The following ZSCAN25 variants were observed in gnomAD, a reference collection of about 807,000 sequenced individuals.
ZSCAN25 encodes zinc finger and SCAN domain-containing protein 25.
Under a neutral mutation model 38.7 loss-of-function variants are expected in ZSCAN25, and 27 were observed. The observed-to-expected ratio is 0.70, with a 90% confidence interval of 0.51 to 0.96. ZSCAN25 has a LOEUF of 0.96. Among genes scored for constraint, ZSCAN25 ranks in the 40% least tolerant of loss-of-function variants. The probability of loss-of-function intolerance (pLI) is 0.00; values close to 1 mark genes in which losing one functional copy is unlikely to be tolerated. For synonymous variants in ZSCAN25, 273 were observed against 277.7 expected (o/e 0.98, Z 0.17); for missense variants, 637 against 705.9 (o/e 0.90, Z 1.11).
chr7:99,649,109 G>A, the ZSCAN25 span, among the ~76,000 whole-genome samples: 1 of 152,220 alleles, frequency 6.6e-6, no homozygotes, highest in East Asian at 1.9e-4. Flanking sequence ...AATTGCCATG[G>A]ATACAAAGAA....
chr7:99,720,317 C>A, the ZSCAN25 span: 1 of 1,612,544 alleles, frequency 6.2e-7, no homozygotes, highest in Admixed American at 1.7e-5. Flanking sequence ...GCTTACCCTC[C>A]GGTTTGTGAA....
chr7:99,655,196 G>A, the ZSCAN25 span, among the ~76,000 whole-genome samples: 3 of 152,150 alleles, frequency 2.0e-5, no homozygotes, highest in Non-Finnish European at 4.4e-5. Context: ...TTCTTCTAGG[G>A]TTTTTATGGT....
At chr7:99,626,290 G>A (rs1807464628) in intron 7 of ZSCAN25, among the ~76,000 whole-genome samples, 1 of 152,340 alleles carries the variant, frequency 6.6e-6, no homozygotes, top group Non-Finnish European at 1.5e-5. Flanking sequence ...GTAAGGAGGA[G>A]GCAGGAGTGA....
At chr7:99,627,527 C>T (rs1258617605) in intron 7 of ZSCAN25, among the ~76,000 whole-genome samples, 1 of 151,932 alleles carries the variant, frequency 6.6e-6, no homozygotes, top group African/African-American at 2.4e-5. Flanking sequence ...AGCTTCACAC[C>T]ATGATATAGG....
At chr7:99,684,461 C>T in the ZSCAN25 span, among the ~76,000 whole-genome samples, 1 of 152,142 alleles carries the variant, frequency 6.6e-6, no homozygotes, top group Non-Finnish European at 1.5e-5. Flanking sequence ...AGCCACTGTG[C>T]TTGGTCAAAA....
the ZSCAN25 span, chr7:99,660,593 C>G: frequency 6.2e-7 from 1 of 1,613,992 alleles, no homozygotes; most frequent in Non-Finnish European, 8.5e-7. Flanking sequence ...AAGAACACTG[C>G]TGGTGGTTTC....
At chr7:99,734,096 G>T in the ZSCAN25 span, among the ~76,000 whole-genome samples, 2 of 152,184 alleles carry the variant, frequency 1.3e-5, no homozygotes, top group African/African-American at 2.4e-5. Flanking sequence ...CTTTAAAAAG[G>T]ATGAATTTAA....
chr7:99,733,675 C>T, the ZSCAN25 span, among the ~76,000 whole-genome samples: 7 of 152,264 alleles, frequency 4.6e-5, 1 homozygote, highest in Admixed American at 1.3e-4. Flanking sequence ...GTTTGTCCTT[C>T]AAGTGACCTC....
the ZSCAN25 span, among the ~76,000 whole-genome samples, chr7:99,650,682 C>T: frequency 6.6e-6 from 1 of 152,062 alleles, no homozygotes; most frequent in Non-Finnish European, 1.5e-5. Flanking sequence ...TTTCCTTCTC[C>T]TGTCATCTCT....
the ZSCAN25 span, among the ~76,000 whole-genome samples, chr7:99,649,755 G>C: frequency 6.6e-6 from 1 of 152,202 alleles, no homozygotes; most frequent in Non-Finnish European, 1.5e-5. Flanking sequence ...TTAAGTCACA[G>C]CCAGGTAATC....
chr7:99,675,365 G>A, the ZSCAN25 span, among the ~76,000 whole-genome samples: 10 of 152,266 alleles, frequency 6.6e-5, no homozygotes, highest in African/African-American at 2.4e-4. Context: ...GAAAGATGAA[G>A]AAGAAATTAC....
At chr7:99,634,563 G>A (rs1488167329), downstream of ZSCAN25, among the ~76,000 whole-genome samples, 6 of 152,218 alleles carry the variant, frequency 3.9e-5, no homozygotes, top group African/African-American at 1.4e-4. Context: ...TCCGAGGCAG[G>A]TGGATCACAA....
chr7:99,655,204 G>T, the ZSCAN25 span, among the ~76,000 whole-genome samples: 2 of 152,076 alleles, frequency 1.3e-5, no homozygotes, highest in African/African-American at 4.8e-5. Context: ...GGGTTTTTAT[G>T]GTTTTAGGTC....
intron 7 of ZSCAN25, among the ~76,000 whole-genome samples, chr7:99,628,371 C>T (rs1377767120): frequency 2.0e-5 from 3 of 152,236 alleles, no homozygotes; most frequent in African/African-American, 7.2e-5. Flanking sequence ...CTCTTTGCCT[C>T]TTTGTTCCCC....
the ZSCAN25 span, among the ~76,000 whole-genome samples, chr7:99,678,292 A>G: frequency 1.3e-5 from 2 of 152,296 alleles, no homozygotes; most frequent in Admixed American, 1.3e-4. Context: ...CGGTGGGGCC[A>G]GGACCCATGA....
At chr7:99,714,882 T>C in the ZSCAN25 span, among the ~76,000 whole-genome samples, 6 of 152,330 alleles carry the variant, frequency 3.9e-5, no homozygotes, top group South Asian at 1.2e-3. Flanking sequence ...GGACCACCAC[T>C]ACAGCAGTGA....
chr7:99,732,798 T>C, the ZSCAN25 span, among the ~76,000 whole-genome samples: 5 of 152,178 alleles, frequency 3.3e-5, no homozygotes, highest in African/African-American at 1.2e-4. Flanking sequence ...ATGCCTCATA[T>C]GTGCTTTCAG....
chr7:99,632,270 T>G lies in ZSCAN25; in HGVS notation c.*2250T>G, dbSNP rs181270748. 1.0e-6 allele frequency: 1 copy of G among 981,408 alleles called. No individual in the cohort carries two copies. The highest frequency in any genetic ancestry group is 1.1e-4 in the East Asian group (1 of 8,790). 60.8% of individuals were successfully genotyped at this position (981,408 alleles called of 1,614,324 possible). ...TGGTAGTCTGATTTTTCATATCTAT[T>G]CAAATGTTAAGAAATATTTTGTTTT... On this transcript the variant is annotated 3_prime_UTR_variant, in exon 8 of 8. Coordinates refer to ENST00000394152, the MANE Select transcript of ZSCAN25 (RefSeq NM_145115.3).
the ZSCAN25 span, among the ~76,000 whole-genome samples, chr7:99,657,259 G>T: frequency 1.5e-3 from 223 of 152,180 alleles, no homozygotes; most frequent in African/African-American, 4.7e-3. Context: ...TTTGAATGTG[G>T]CCCAGAGATT....
Sources: allele counts gnomAD v4.1 joint callset (sites outside exome capture counted in the v4.1 genomes callset), GRCh38; gene constraint gnomAD v4.1.1; transcripts MANE v1.5; gene names NCBI Gene and HGNC (gene_info 2026-07-23, HGNC 2026-07-21).